Variants in ERC2 observed in about 807,000 individuals in gnomAD.
ERC2 encodes the protein ERC protein 2.
A neutral mutation model predicts 114.8 loss-of-function variants in ERC2; 42 were observed. The observed-to-expected ratio is 0.37, with a 90% CI of 0.29 to 0.47. ERC2 has a LOEUF of 0.47. Among genes scored for constraint, ERC2 ranks in the 20% least tolerant of loss-of-function variants. ERC2 has a pLI of 0.99. For synonymous variants in ERC2, 454 were observed against 425.5 expected (o/e 1.07, Z -0.82); for missense variants, 939 against 1,150.7 (o/e 0.82, Z 2.66).
At chr3:56,227,887 G>A (rs1394729262) in intron 3 of ERC2, among the ~76,000 whole-genome samples, 1 of 152,086 alleles carries the variant, frequency 6.6e-6, no homozygotes, top group Non-Finnish European at 1.5e-5. Context: ...CATCAACAGG[G>A]GACTGGATAA....
Position 56,149,146 on chromosome 3 carries a change from A to C in ERC2, c.1150-14T>G. The stretch of plus-strand genomic sequence containing the variant: ...GATTTTTGTGTCCTGTTGGTAAAGA[A>C]GAAAAGAAAAAGAAAAATAAAGAAT... On this transcript the variant is annotated splice_polypyrimidine_tract_variant and intron_variant, in intron 4 of 17. Transcript: ENST00000288221. 6.4e-7 allele frequency: 1 copy of C among 1,566,382 alleles called. No homozygotes were observed. Among genetic ancestry groups the C allele is most frequent in the African/African-American group, 1.4e-5 (1 of 72,698 alleles).
intron 7 of ERC2, among the ~76,000 whole-genome samples, chr3:56,049,818 ATGTGTGTGTGTGTG>A (rs3052672): frequency 0.15 from 21,326 of 145,280 alleles, 1,752 homozygotes; most frequent in South Asian, 0.23. Context: ...CCCATCATAT[ATGTGTGTGTGTGTG>A]TGTGTGTGTG....
intron 3 of ERC2, among the ~76,000 whole-genome samples, chr3:56,183,342 A>C (rs1030689837): frequency 1.1e-4 from 17 of 152,222 alleles, no homozygotes; most frequent in Non-Finnish European, 2.1e-4. Flanking sequence ...TGTCCTCTCC[A>C]CTTACTAGGT....
intron 14 of ERC2, among the ~76,000 whole-genome samples, chr3:55,811,267 G>A (rs1394889207): frequency 6.6e-6 from 1 of 152,174 alleles, no homozygotes; most frequent in Admixed American, 6.5e-5. Flanking sequence ...TATCAAGCAT[G>A]CCTTTTCTTA....
intron 17 of ERC2, among the ~76,000 whole-genome samples, chr3:55,668,255 G>C (rs1393294598): frequency 2.0e-5 from 3 of 152,112 alleles, no homozygotes; most frequent in African/African-American, 7.2e-5. Context: ...ATATCAGATA[G>C]CTAGCGGTGG....
At chr3:55,550,969 T>C (rs1017129605) in intron 17 of ERC2, among the ~76,000 whole-genome samples, 2 of 145,464 alleles carry the variant, frequency 1.4e-5, no homozygotes, top group African/African-American at 5.2e-5. Flanking sequence ...TGAGCTGAGA[T>C]CGCGCCACTG....
At chr3:55,812,191 A>G (rs756904857) in intron 14 of ERC2, among the ~76,000 whole-genome samples, 1 of 152,342 alleles carries the variant, frequency 6.6e-6, no homozygotes, top group East Asian at 1.9e-4. Flanking sequence ...GCTGTGCTAA[A>G]GCAGGGGCCA....
At chr3:56,271,951 T>A (rs1222802107) in intron 3 of ERC2, among the ~76,000 whole-genome samples, 2 of 152,164 alleles carry the variant, frequency 1.3e-5, no homozygotes, top group African/African-American at 4.8e-5. Context: ...CTGTGTAGTA[T>A]TCTGTGGTGG....
chr3:55,726,336 G>T (rs1198465606), intron 15 of ERC2, among the ~76,000 whole-genome samples: 1 of 152,200 alleles, frequency 6.6e-6, no homozygotes, highest in African/African-American at 2.4e-5. Flanking sequence ...GTTTAACTGT[G>T]CTAACCTCCT....
chr3:56,123,720 A>G (rs1236779307), intron 6 of ERC2, among the ~76,000 whole-genome samples: 2 of 152,178 alleles, frequency 1.3e-5, no homozygotes, highest in Non-Finnish European at 2.9e-5. Context: ...AAATCAGACC[A>G]TCCACCCCTT....
At chr3:55,661,082 A>G (rs2061110565) in intron 17 of ERC2, among the ~76,000 whole-genome samples, 2 of 152,236 alleles carry the variant, frequency 1.3e-5, no homozygotes, top group Non-Finnish European at 2.9e-5. Context: ...TGTTGGTTCA[A>G]CTCGTCTGTG....
intron 7 of ERC2, among the ~76,000 whole-genome samples, chr3:56,077,696 C>T (rs552436926): frequency 6.6e-6 from 1 of 152,270 alleles, no homozygotes; most frequent in African/African-American, 2.4e-5. Flanking sequence ...CACTCTCACA[C>T]CTGGTGTCAT....
At chr3:56,138,208 C>T (rs1279309571) in intron 6 of ERC2, among the ~76,000 whole-genome samples, 1 of 151,836 alleles carries the variant, frequency 6.6e-6, no homozygotes, top group African/African-American at 2.4e-5. Flanking sequence ...TACAGGCACC[C>T]GCCACCACGC....
At chr3:55,856,069 T>C (rs1320529477) in intron 14 of ERC2, among the ~76,000 whole-genome samples, 3 of 152,174 alleles carry the variant, frequency 2.0e-5, no homozygotes, top group Admixed American at 1.3e-4. Context: ...AAGAACTTCA[T>C]CTTTGCCTTG....
intron 4 of ERC2, among the ~76,000 whole-genome samples, chr3:56,165,882 T>C (rs1180265159): frequency 6.6e-6 from 1 of 151,042 alleles, no homozygotes; most frequent in Non-Finnish European, 1.5e-5. Flanking sequence ...ACAAAAATGT[T>C]TTTTTTTTCT....
intron 2 of ERC2, among the ~76,000 whole-genome samples, chr3:56,386,034 C>T (rs1263201642): frequency 1.3e-5 from 2 of 152,044 alleles, no homozygotes; most frequent in Non-Finnish European, 2.9e-5. Context: ...CAGTTTTGAA[C>T]AAGTAAAGAC....
chr3:56,225,993 C>T (rs1233271370), intron 3 of ERC2, among the ~76,000 whole-genome samples: 1 of 152,208 alleles, frequency 6.6e-6, no homozygotes, highest in African/African-American at 2.4e-5. Context: ...CTTGTGTCAT[C>T]TTTCTGTTTA....
At chr3:55,972,558 G>A (rs2069246532) in intron 12 of ERC2, among the ~76,000 whole-genome samples, 1 of 152,186 alleles carries the variant, frequency 6.6e-6, no homozygotes, top group Non-Finnish European at 1.5e-5. Flanking sequence ...TTAGTTTGCT[G>A]AGAATGATGG....
chr3:56,151,255 C>T (rs921483516), intron 4 of ERC2, among the ~76,000 whole-genome samples: 2 of 152,040 alleles, frequency 1.3e-5, no homozygotes, highest in East Asian at 1.9e-4. Context: ...TTAGTAGTGA[C>T]GGGGTTTCAC....
Sources: gnomAD v4.1 joint callset for allele counts (sites outside exome capture counted in the v4.1 genomes callset) on GRCh38, gnomAD v4.1.1 for gene constraint, MANE v1.5 for transcripts, NCBI Gene and HGNC (gene_info 2026-07-23, HGNC 2026-07-21) for gene names.